Variants in UGT1A9 observed in about 807,000 individuals in gnomAD.
UGT1A9 encodes the protein UDP-glucuronosyltransferase 1A9.
UGT1A9 carries 35 observed loss-of-function variants against 45.0 expected under a neutral mutation model. That is an observed-to-expected ratio of 0.78 (90% CI 0.59 to 1.03). UGT1A9 has a LOEUF of 1.03. Ranked by LOEUF, UGT1A9 falls within the 50% of genes least tolerant of loss-of-function variation. The pLI is 0.00. For missense variants in UGT1A9, 687 were observed against 666.6 expected (o/e 1.03, Z -0.34); for synonymous variants, 278 against 250.6 (o/e 1.11, Z -1.03).
rs750647558 is a variant in UGT1A9 at position 233,719,225 on chromosome 2, G to A, written c.855+46436G>A. On this transcript the variant is annotated intron_variant, in intron 1 of 4. Coordinates refer to ENST00000354728, the MANE Select transcript of UGT1A9 (RefSeq NM_021027.3). ...GTTGTGTGGAGCTACTGCATAATGA[G>A]GCCCTGATCAGGCACCTGAATGCTA... The A allele has an allele frequency of 4.3e-6, 7 of 1,614,052 alleles. No homozygotes were observed. In the South Asian group the frequency reaches 5.5e-5, roughly 13 times the overall value.
chr2:233,766,080 C>A (rs1198931583), intron 1 of UGT1A9, among the ~76,000 whole-genome samples: 1 of 152,194 alleles, frequency 6.6e-6, no homozygotes, highest in African/African-American at 2.4e-5. Context: ...TACCTTGTCG[C>A]AAGGACAGAG....
intron 1 of UGT1A9, chr2:233,760,361 C>T: frequency 6.2e-7 from 1 of 1,614,110 alleles, no homozygotes; most frequent in Non-Finnish European, 8.5e-7. Flanking sequence ...CCAGTGGTGT[C>T]CCATGCTGGG....
At chr2:233,707,539 T>G (rs1401176001) in intron 1 of UGT1A9, among the ~76,000 whole-genome samples, 11 of 137,828 alleles carry the variant, frequency 8.0e-5, no homozygotes, top group Non-Finnish European at 1.6e-5. Context: ...TTGTCTTGCC[T>G]TTTTTTTTTT....
rs1413528689 is a variant in UGT1A9, at chr2:233,768,429, A to G, written c.1285A>G (p.Asn429Asp). Residue 429 changes from asparagine to aspartate, a missense_variant, in exon 4 of 5, where the codon AAT becomes GAT. By Grantham distance (23) the Asn-to-Asp change is conservative. Transcript: ENST00000354728. Reference protein sequence around the residue: ...DLENALKAVINDKSYKENIMR... With the variant: ...DLENALKAVIDDKSYKENIMR... ...AGAAAATGCTCTAAAAGCAGTCATC[A>G]ATGACAAAAGGTAAGAAAGAAGATA... is the stretch of plus-strand genomic sequence containing the variant. The G allele has an allele frequency of 6.8e-6, 11 of 1,614,042 alleles. No homozygotes were observed. The highest frequency in any genetic ancestry group is 9.3e-6 in the Non-Finnish European group (11 of 1,179,964).
Position 233,769,415 on chromosome 2 carries a change from G to A in UGT1A9, c.1295+976G>A. On this transcript the variant is annotated intron_variant, in intron 4 of 4. Coordinates refer to ENST00000354728, the MANE Select transcript of UGT1A9 (RefSeq NM_021027.3). This position sits in a 1 kb window ranked among gnomAD's most constrained non-coding sequence, Gnocchi z 4.4. Reference sequence around the variant, plus strand: ...TGTGTGCATATGTGCGTGTGCGTTTGTGCATGTGGCTGTGCTCATGTGTGG... The same window carrying A: ...TGTGTGCATATGTGCGTGTGCGTTTATGCATGTGGCTGTGCTCATGTGTGG... The A allele has an allele frequency of 1.4e-6, 2 of 1,401,966 alleles. No homozygotes were observed. Among genetic ancestry groups the A allele is most frequent in the Non-Finnish European group, 2.0e-6 (2 of 1,003,386 alleles). The allele number at this position is 1,401,966 out of a possible 1,614,324, so 86.8% of individuals were successfully genotyped here.
At chr2:233,734,641 G>T (rs777455810) in intron 1 of UGT1A9, among the ~76,000 whole-genome samples, 1 of 152,096 alleles carries the variant, frequency 6.6e-6, no homozygotes, top group East Asian at 1.9e-4. Context: ...GCTTTCTCCT[G>T]TGGGGATTTA....
intron 1 of UGT1A9, chr2:233,692,991 T>C (rs2075125373): frequency 6.2e-7 from 1 of 1,613,950 alleles, no homozygotes; most frequent in Non-Finnish European, 8.5e-7. Flanking sequence ...GTTGTTACTT[T>C]AACTCTTTCC....
chr2:233,676,583 TGTA>T (rs1363296300), intron 1 of UGT1A9, among the ~76,000 whole-genome samples: 1 of 152,194 alleles, frequency 6.6e-6, no homozygotes, highest in African/African-American at 2.4e-5. Flanking sequence ...CCACCTGAAA[TGTA>T]GTCATCATGT....
intron 1 of UGT1A9, among the ~76,000 whole-genome samples, chr2:233,699,349 C>A (rs951769721): frequency 6.6e-6 from 1 of 152,184 alleles, no homozygotes; most frequent in African/African-American, 2.4e-5. Context: ...TAGGGCTAAC[C>A]TCTTTTCTTA....
At chr2:233,709,597 G>T (rs4408722) in intron 1 of UGT1A9, among the ~76,000 whole-genome samples, 2,036 of 152,244 alleles carry the variant, frequency 0.013, 51 homozygotes, top group African/African-American at 0.047. Flanking sequence ...GGATGTGAAA[G>T]AAACATTATT....
intron 1 of UGT1A9, chr2:233,719,692 G>A (rs1410497957): frequency 3.1e-6 from 5 of 1,614,032 alleles, no homozygotes; most frequent in Admixed American, 3.3e-5. Flanking sequence ...TCTCAGGTCT[G>A]TATTGGTGCC....
rs1031520342 is a variant in UGT1A9, at chr2:233,702,053, C to T, written c.855+29264C>T. Among the ~76,000 whole-genome samples, 3 of 152,266 alleles carry T rather than the reference C, an allele frequency of 2.0e-5. No homozygotes were observed. The East Asian group carries it at 5.8e-4, about 29-fold the overall frequency. On this transcript the variant is annotated intron_variant, in intron 1 of 4. Coordinates refer to ENST00000354728, the MANE Select transcript of UGT1A9 (RefSeq NM_021027.3). ...AAAACCCTTCAAAAAATTAACAATT[C>T]ACTAATTTTAATGGTTTTTGGTATA... is the stretch of plus-strand genomic sequence containing the variant.
rs900393425 is a variant in UGT1A9 at position 233,715,048 on chromosome 2, C to CT, written c.855+42268dup. 1.6e-3 allele frequency among the ~76,000 whole-genome samples: 238 copies of CT among 151,030 alleles called. 1 individual carries two copies. The highest frequency in any genetic ancestry group is 5.1e-3 in the African/African-American group (208 of 41,174). On this transcript the variant is annotated intron_variant, in intron 1 of 4. Coordinates refer to ENST00000354728, the MANE Select transcript of UGT1A9 (RefSeq NM_021027.3). ...CATGGCACCACATCCAGCTAATTTT[C>CT]TTTTTTTTTGTATTTTTTATGGAGA...
chr2:233,703,749 A>G, intron 1 of UGT1A9, among the ~76,000 whole-genome samples: 1 of 151,980 alleles, frequency 6.6e-6, no homozygotes, highest in Non-Finnish European at 1.5e-5. Context: ...TTAAATCTCA[A>G]ATGTATCTTC....
intron 1 of UGT1A9, among the ~76,000 whole-genome samples, chr2:233,712,441 G>A (rs991807443): frequency 3.3e-5 from 5 of 152,138 alleles, no homozygotes; most frequent in African/African-American, 9.7e-5. Context: ...TGTGAAAAAC[G>A]ACCAAAACCA....
chr2:233,672,250 T>C lies in UGT1A9; in HGVS notation c.316T>C (p.Tyr106His), dbSNP rs2074217670. The change falls in exon 1 of 5, where the codon TAT becomes CAT. Residue 106 changes from tyrosine to histidine, a missense_variant. Tyr to His is a moderately conservative substitution (Grantham distance 83, BLOSUM62 2). Transcript: ENST00000354728. ...ATGGAAAGCACAAGTACGAAGTATA[T>C]ATTCTCTATTAATGGGTTCATACAA... ...AQWKAQVRSI[Y>H]SLLMGSYNDI... The C allele has an allele frequency of 1.9e-6, 3 of 1,614,088 alleles. No homozygotes were observed. Among genetic ancestry groups the C allele is most frequent in the Non-Finnish European group, 2.5e-6 (3 of 1,180,032 alleles).
Position 233,772,859 on chromosome 2 carries a change from T to C in UGT1A9, c.*300T>C. 1.4e-6 allele frequency: 1 copy of C among 698,172 alleles called. No homozygotes were observed. Among genetic ancestry groups the C allele is most frequent in the Non-Finnish European group, 2.1e-6 (1 of 477,226 alleles). The allele number at this position is 698,172 out of a possible 1,614,324, so 43.2% of individuals were successfully genotyped here. On this transcript the variant is annotated 3_prime_UTR_variant, in exon 5 of 5. Transcript: ENST00000354728. ...AGATTACTTTTCTTACTCTGAAACA[T>C]GGCCTGTTTGGGAGTGCGGGATTCA...
intron 1 of UGT1A9, chr2:233,730,017 A>G (rs1485743576): frequency 6.2e-7 from 1 of 1,613,756 alleles, no homozygotes; most frequent in South Asian, 1.1e-5. Flanking sequence ...CCTTCATCCA[A>G]TCAATGTTCC....
chr2:233,703,336 C>G (rs766633275), intron 1 of UGT1A9, among the ~76,000 whole-genome samples: 3 of 151,932 alleles, frequency 2.0e-5, no homozygotes, highest in Non-Finnish European at 4.4e-5. Context: ...AGTCTTCTCT[C>G]TTTTTTCTTT....
Sources: gnomAD v4.1 joint callset for allele counts (sites outside exome capture counted in the v4.1 genomes callset) on GRCh38, gnomAD v4.1.1 for gene constraint, Gnocchi (gnomAD v3.1) non-coding constraint, MANE v1.5 for transcripts, NCBI Gene and HGNC (gene_info 2026-07-23, HGNC 2026-07-21) for gene names.